LSM14A: variants seen among roughly 807,000 people sequenced by gnomAD.
LSM14A encodes the protein LSM14A mRNA processing body assembly factor, also known as protein LSM14 homolog A.
LSM14A carries 14 observed loss-of-function variants against 52.4 expected under a neutral mutation model. The observed-to-expected ratio is 0.27, with a 90% CI of 0.18 to 0.42. The LOEUF is 0.42. Among genes scored for constraint, LSM14A ranks in the 10% least tolerant of loss-of-function variants. The probability of loss-of-function intolerance (pLI) is 1.00; values close to 1 mark genes in which losing one functional copy is unlikely to be tolerated. For missense variants in LSM14A, 417 were observed against 581.8 expected (o/e 0.72, Z 2.91); for synonymous variants, 185 against 200.3 (o/e 0.92, Z 0.64).
Position 34,209,016 on chromosome 19 carries a change from A to G in LSM14A, c.503A>G (p.Gln168Arg). 6.2e-7 allele frequency: 1 copy of G among 1,601,158 alleles called. No homozygotes were observed. The highest frequency in any genetic ancestry group is 8.5e-7 in the Non-Finnish European group (1 of 1,172,242). ...AGTGCGGTTGGTTCTGCCTTTACAC[A>G]GGATACAAGATCTCTAAAAACACAG... is the stretch of plus-strand genomic sequence containing the variant. ...QSSAVGSAFTQDTRSLKTQLS... is the reference protein window; with the variant it reads ...QSSAVGSAFTRDTRSLKTQLS... Residue 168 changes from glutamine to arginine, a missense_variant, in exon 4 of 10, where the codon CAG becomes CGG. Gln to Arg is a conservative substitution (Grantham distance 43). Coordinates refer to ENST00000544216, the MANE Select transcript of LSM14A (RefSeq NM_015578.4).
intron 4 of LSM14A, among the ~76,000 whole-genome samples, chr19:34,214,055 TTATAGG>T: frequency 6.6e-6 from 1 of 152,126 alleles, no homozygotes; most frequent in South Asian, 2.1e-4. Context: ...ATTGCTGGGA[TTATAGG>T]TGTGAGCAAC....
At chr19:34,176,587 A>G (rs73929367) in intron 1 of LSM14A, among the ~76,000 whole-genome samples, 2,350 of 152,250 alleles carry the variant, frequency 0.015, 70 homozygotes, top group African/African-American at 0.054. Context: ...TGTAAATAGG[A>G]TTGTGTTGTA....
chr19:34,173,289 G>T (rs1338815398), intron 1 of LSM14A, among the ~76,000 whole-genome samples: 1 of 152,204 alleles, frequency 6.6e-6, no homozygotes, highest in Non-Finnish European at 1.5e-5. Context: ...TGCCATCGAT[G>T]CCGTGGAGCA....
At chr19:34,224,758 T>C (rs1220548630) in intron 9 of LSM14A, among the ~76,000 whole-genome samples, 1 of 152,216 alleles carries the variant, frequency 6.6e-6, no homozygotes. Context: ...TGTGCTTGAT[T>C]CCAACTCCAT....
At chr19:34,173,489 A>G (rs1156365237) in intron 1 of LSM14A, among the ~76,000 whole-genome samples, 1 of 152,106 alleles carries the variant, frequency 6.6e-6, no homozygotes, top group Non-Finnish European at 1.5e-5. Flanking sequence ...TTGACCTTTG[A>G]TCCAGGCTCA....
intron 3 of LSM14A, among the ~76,000 whole-genome samples, chr19:34,197,211 C>T (rs1212108408): frequency 6.6e-6 from 1 of 151,982 alleles, no homozygotes; most frequent in Admixed American, 6.6e-5. Flanking sequence ...CGTGCCTCAG[C>T]CTCCCAGATA....
At chr19:34,217,043 C>G (rs541711881) in intron 6 of LSM14A, among the ~76,000 whole-genome samples, 33 of 152,054 alleles carry the variant, frequency 2.2e-4, no homozygotes, top group Admixed American at 3.9e-4. Context: ...GGGCAGGTCA[C>G]GAGGTCAGGA....
intron 6 of LSM14A, 25 bp downstream of exon 6, chr19:34,215,686 T>A: frequency 1.4e-6 from 2 of 1,465,442 alleles, no homozygotes; most frequent in African/African-American, 2.8e-5. Context: ...CTAAAAGTCA[T>A]ATTCTATGCT....
chr19:34,219,279 T>C (rs1052395991), intron 6 of LSM14A, 112 bp from the exon 7 acceptor site: 21 of 593,084 alleles, frequency 3.5e-5, no homozygotes, highest in Non-Finnish European at 5.6e-5. Flanking sequence ...TAGAGAGACC[T>C]GTAAGCATTT....
At chr19:34,174,321 C>T (rs767196972) in intron 1 of LSM14A, among the ~76,000 whole-genome samples, 1 of 152,198 alleles carries the variant, frequency 6.6e-6, no homozygotes, top group Non-Finnish European at 1.5e-5. Context: ...TTTGATGTTA[C>T]AGAACTGTAC....
chr19:34,183,732 A>G (rs532443891), intron 1 of LSM14A, among the ~76,000 whole-genome samples: 15 of 152,298 alleles, frequency 9.8e-5, no homozygotes, highest in South Asian at 6.2e-4. Context: ...TTTCACCCCA[A>G]ACTCCTAAAA....
At chr19:34,174,767 G>C (rs1028832472) in intron 1 of LSM14A, among the ~76,000 whole-genome samples, 3 of 152,076 alleles carry the variant, frequency 2.0e-5, no homozygotes, top group African/African-American at 7.2e-5. Context: ...AGCCAGATAT[G>C]GGTTGAAAAT....
rs576204797 is a variant in LSM14A at position 34,227,399 on chromosome 19, A to G, written c.*11A>G. The G allele has an allele frequency of 6.3e-7, 1 of 1,587,272 alleles. No individual in the cohort carries two copies. Among genetic ancestry groups the G allele is most frequent in the South Asian group, 1.2e-5 (1 of 84,752 alleles). On this transcript the variant is annotated 3_prime_UTR_variant, in exon 10 of 10. Transcript: ENST00000544216. Reference sequence around the variant, plus strand: ...AAAGTTGCTGCATAGTCTACAAACAAGTCTCTGAAAATAGGTGAATTTCTA... The same window carrying G: ...AAAGTTGCTGCATAGTCTACAAACAGGTCTCTGAAAATAGGTGAATTTCTA...
At chr19:34,196,853 A>G (rs1239556182) in intron 3 of LSM14A, 90 bp downstream of exon 3, 2 of 1,031,444 alleles carry the variant, frequency 1.9e-6, no homozygotes, top group East Asian at 5.2e-5. Flanking sequence ...ACTATTAGAA[A>G]TGTTGTTTGA....
At chr19:34,224,777 A>G (rs955203363) in intron 9 of LSM14A, among the ~76,000 whole-genome samples, 14 of 152,236 alleles carry the variant, frequency 9.2e-5, no homozygotes, top group African/African-American at 3.1e-4. Context: ...ATCCCCATTC[A>G]TTTACCAAAT....
chr19:34,175,701 A>G (rs2069037506), intron 1 of LSM14A, among the ~76,000 whole-genome samples: 1 of 152,224 alleles, frequency 6.6e-6, no homozygotes, highest in African/African-American at 2.4e-5. Context: ...AGATTTCAAG[A>G]TTAGAAGCAA....
chr19:34,206,454 G>A (rs1019497104), intron 3 of LSM14A, among the ~76,000 whole-genome samples: 3 of 151,672 alleles, frequency 2.0e-5, no homozygotes, highest in Non-Finnish European at 4.4e-5. Context: ...AGATCACGAG[G>A]TCAGGAGATC....
intron 4 of LSM14A, among the ~76,000 whole-genome samples, chr19:34,214,770 A>C (rs1357525116): frequency 6.6e-6 from 1 of 151,798 alleles, no homozygotes. Flanking sequence ...TGACTACAAC[A>C]TGATAATTTG....
At chr19:34,221,344 AGTGCTGGGAT>A (rs2073050001) in intron 8 of LSM14A, 153 bp from the exon 9 acceptor site, 19 of 771,700 alleles carry the variant, frequency 2.5e-5, no homozygotes, top group Middle Eastern at 8.1e-4. Flanking sequence ...GGCCTCCCAA[AGTGCTGGGAT>A]TACAGGCGTG....
Sources: allele counts gnomAD v4.1 joint callset (sites outside exome capture counted in the v4.1 genomes callset), GRCh38; gene constraint gnomAD v4.1.1; transcripts MANE v1.5; gene names NCBI Gene and HGNC (gene_info 2026-07-23, HGNC 2026-07-21).